The following LRRC7 variants were observed in gnomAD, a reference collection of about 807,000 sequenced individuals.
LRRC7 encodes the protein leucine-rich repeat-containing protein 7.
LRRC7 carries 23 observed loss-of-function variants against 175.7 expected under a neutral mutation model. The observed-to-expected ratio is 0.13, with a 90% confidence interval of 0.09 to 0.19. LRRC7 has a LOEUF of 0.19. Among genes scored for constraint, LRRC7 ranks in the 10% least tolerant of loss-of-function variants. The pLI is 1.00. For missense variants in LRRC7, 1,354 were observed against 1,904.7 expected (o/e 0.71, Z 5.38); for synonymous variants, 685 against 680.9 (o/e 1.01, Z -0.09).
At chr1:69,694,797 C>T (rs2100672149) in intron 2 of LRRC7, among the ~76,000 whole-genome samples, 1 of 152,030 alleles carries the variant, frequency 6.6e-6, no homozygotes, top group African/African-American at 2.4e-5. Context: ...CACCCTTTGA[C>T]TTCCACCATG....
intron 2 of LRRC7, among the ~76,000 whole-genome samples, chr1:69,680,173 C>T (rs916183439): frequency 1.4e-4 from 21 of 152,066 alleles, no homozygotes; most frequent in Admixed American, 1.2e-3. Flanking sequence ...GTGCTGCAAG[C>T]CACACCTACT....
At chr1:69,709,569 G>C (rs571942960) in intron 2 of LRRC7, among the ~76,000 whole-genome samples, 1 of 152,202 alleles carries the variant, frequency 6.6e-6, no homozygotes, top group East Asian at 1.9e-4. Context: ...CTCTTAATTT[G>C]TTCAATGAAT....
intron 3 of LRRC7, among the ~76,000 whole-genome samples, chr1:69,778,063 T>C (rs1311877974): frequency 6.6e-6 from 1 of 152,202 alleles, no homozygotes; most frequent in Non-Finnish European, 1.5e-5. Flanking sequence ...GAAGTGTTCC[T>C]GAAACACAAA....
intron 23 of LRRC7, among the ~76,000 whole-genome samples, chr1:70,071,693 T>G (rs1433728414): frequency 1.3e-5 from 2 of 152,250 alleles, no homozygotes; most frequent in African/African-American, 4.8e-5. Flanking sequence ...TTTTAGGGAA[T>G]GAATTGTGTT....
intron 1 of LRRC7, among the ~76,000 whole-genome samples, chr1:69,671,714 G>A (rs780448394): frequency 7.2e-5 from 11 of 152,108 alleles, no homozygotes; most frequent in South Asian, 4.1e-4. Flanking sequence ...GCTAGGGCTC[G>A]TTTAAAAACT....
chr1:69,620,690 T>C (rs983859785), intron 1 of LRRC7, among the ~76,000 whole-genome samples: 1 of 152,210 alleles, frequency 6.6e-6, no homozygotes, highest in African/African-American at 2.4e-5. Context: ...GTGACTGTAA[T>C]TGGAAAGTTC....
intron 1 of LRRC7, among the ~76,000 whole-genome samples, chr1:69,636,228 G>A (rs1653334950): frequency 6.6e-6 from 1 of 151,956 alleles, no homozygotes; most frequent in Non-Finnish European, 1.5e-5. Context: ...ATTCTATTCA[G>A]TTCCGTTCAA....
intron 2 of LRRC7, among the ~76,000 whole-genome samples, chr1:69,723,757 A>C (rs1019133539): frequency 2.0e-5 from 3 of 152,090 alleles, no homozygotes; most frequent in African/African-American, 7.2e-5. Flanking sequence ...CAGCAGATTC[A>C]GTGTCTAATG....
In LRRC7 at chr1:70,125,195, T is replaced by C. The variant is rs887169679; in HGVS notation, c.*3308T>C. 6.6e-6 allele frequency among the ~76,000 whole-genome samples: 1 copy of C among 152,240 alleles called. No homozygotes were observed. The highest frequency in any genetic ancestry group is 2.4e-5 in the African/African-American group (1 of 41,464). ...ATTGCTCATTGAAGCCTATAAAAGATATGTATCTCCATTACTTAGAATTGT... is the reference window on the plus strand; with the variant it reads ...ATTGCTCATTGAAGCCTATAAAAGACATGTATCTCCATTACTTAGAATTGT... On this transcript the variant is annotated 3_prime_UTR_variant, in exon 27 of 27. Coordinates refer to ENST00000651989, the MANE Select transcript of LRRC7 (RefSeq NM_001370785.2).
At chr1:69,957,709 AT>A (rs1650644574) in intron 8 of LRRC7, among the ~76,000 whole-genome samples, 1 of 151,846 alleles carries the variant, frequency 6.6e-6, no homozygotes, top group African/African-American at 2.4e-5. Flanking sequence ...TATTGCCAAC[AT>A]TTTTTGCAAC....
At position 69,704,130 on chromosome 1, in the gene LRRC7, TAA is replaced by T. The variant is rs71794569; in HGVS notation, c.100+25653_100+25654del. On this transcript the variant is annotated intron_variant, in intron 2 of 26. Transcript: ENST00000651989. ...TCGGTGCTAAGTCACAATAGTTATA[TAA>T]GTTTTGTGATAAGTTATCTTTTTCT... Among the ~76,000 whole-genome samples the T allele has an allele frequency of 0.01, 1,541 of 152,164 alleles. 100 individuals are homozygous for T. The East Asian group carries it at 0.15, about 15-fold the overall frequency.
chr1:69,658,604 A>G (rs1200297539), intron 1 of LRRC7, among the ~76,000 whole-genome samples: 2 of 151,956 alleles, frequency 1.3e-5, no homozygotes, highest in African/African-American at 4.8e-5. Flanking sequence ...CTTTGGAGTA[A>G]AATACACTAA....
chr1:69,952,445 G>C (rs1650038598), intron 8 of LRRC7, among the ~76,000 whole-genome samples: 1 of 151,920 alleles, frequency 6.6e-6, no homozygotes, highest in Non-Finnish European at 1.5e-5. Flanking sequence ...TGTTGAATTT[G>C]TAAAGCCAGA....
chr1:70,087,495 TAATA>T (rs1464028417), intron 24 of LRRC7, among the ~76,000 whole-genome samples: 3 of 152,148 alleles, frequency 2.0e-5, no homozygotes, highest in Non-Finnish European at 2.9e-5. Context: ...ATTTTCTAAT[TAATA>T]AATAATAACA....
At chr1:70,097,372 AAT>A (rs1368209798) in intron 25 of LRRC7, among the ~76,000 whole-genome samples, 5 of 152,196 alleles carry the variant, frequency 3.3e-5, no homozygotes, top group Non-Finnish European at 7.3e-5. Flanking sequence ...AGTCTGACTG[AAT>A]ATAGCTTACA....
In LRRC7 at chr1:70,018,751, C is replaced by T. The variant is rs1179206792; in HGVS notation, c.1353C>T (p.Ala451=). The change falls in exon 15 of 27, where the codon GCC becomes GCT. Residue 451 remains alanine (A), a synonymous_variant. Transcript: ENST00000651989. Reference sequence around the variant, plus strand: ...CCCTTATCCCTTTACAAACAGAAGCCCATCCAGAAACAAAGCAAAGAGTAT... The same window carrying T: ...CCCTTATCCCTTTACAAACAGAAGCTCATCCAGAAACAAAGCAAAGAGTAT... ...SKALIPLQTE[A]HPETKQRVLT... The T allele has an allele frequency of 4.3e-6, 7 of 1,612,500 alleles. No homozygotes were observed. The highest frequency in any genetic ancestry group is 5.1e-6 in the Non-Finnish European group (6 of 1,179,068).
At position 70,013,011 on chromosome 1, in the gene LRRC7, G is replaced by A. The variant is rs1396319250; in HGVS notation, c.1172G>A (p.Arg391His). Residue 391 changes from arginine to histidine, a missense_variant, in exon 13 of 27, where the codon CGC becomes CAC. Physicochemically the swap from Arg to His is conservative, Grantham distance 29. This residue lies in a region of LRRC7 where 201 missense variants were observed against 481.4 expected (regional missense o/e 0.42). Transcript: ENST00000651989. ...AAGAATGTAACAGTCATGTCTCTAC[G>A]CTCCAACAAATTAGAATTTCTTCCT... ...SCKNVTVMSL[R>H]SNKLEFLPEE... The A allele has an allele frequency of 1.3e-6, 2 of 1,582,850 alleles. No individual in the cohort carries two copies. The highest frequency in any genetic ancestry group is 1.7e-6 in the Non-Finnish European group (2 of 1,163,774).
intron 11 of LRRC7, among the ~76,000 whole-genome samples, chr1:69,999,333 A>G (rs975896388): frequency 4.6e-5 from 7 of 152,218 alleles, no homozygotes; most frequent in African/African-American, 1.2e-4. Context: ...TAGAGCATCT[A>G]TGAACACTGA....
chr1:70,025,989 A>T (rs1397915268), intron 17 of LRRC7, among the ~76,000 whole-genome samples: 3 of 152,134 alleles, frequency 2.0e-5, no homozygotes, highest in Non-Finnish European at 4.4e-5. Flanking sequence ...ATATTCAAAC[A>T]TATTCTGGGG....
Sources: allele counts gnomAD v4.1 joint callset (sites outside exome capture counted in the v4.1 genomes callset), GRCh38; gene constraint gnomAD v4.1.1; regional missense constraint gnomAD v4.1.1; transcripts MANE v1.5; gene names NCBI Gene and HGNC (gene_info 2026-07-23, HGNC 2026-07-21).